The following ZMAT4 variants were observed in gnomAD, a reference collection of about 807,000 sequenced individuals.
The protein encoded by ZMAT4 is zinc finger matrin-type 4, also known as zinc finger matrin-type protein 4.
Under a neutral mutation model 28.7 loss-of-function variants are expected in ZMAT4, and 17 were observed. The observed-to-expected ratio is 0.59, with a 90% CI of 0.41 to 0.89. ZMAT4 has a LOEUF of 0.89. ZMAT4 is among the 40% of genes least tolerant of loss of function. The pLI, the probability that ZMAT4 is intolerant of heterozygous loss-of-function variation, is 0.00. For synonymous variants in ZMAT4, 117 were observed against 109.2 expected (o/e 1.07, Z -0.44); for missense variants, 240 against 283.8 (o/e 0.85, Z 1.11).
At chr8:40,814,875 C>T (rs1359166930) in intron 2 of ZMAT4, among the ~76,000 whole-genome samples, 1 of 152,192 alleles carries the variant, frequency 6.6e-6, no homozygotes, top group Non-Finnish European at 1.5e-5. Context: ...CAAATATTCA[C>T]ATATTTATAC....
At chr8:40,788,411 T>C (rs1389611431) in intron 2 of ZMAT4, among the ~76,000 whole-genome samples, 2 of 152,162 alleles carry the variant, frequency 1.3e-5, no homozygotes, top group Non-Finnish European at 2.9e-5. Context: ...GGCGAAACCC[T>C]GTCTCTACTA....
intron 5 of ZMAT4, among the ~76,000 whole-genome samples, chr8:40,648,328 T>C (rs1453524723): frequency 7.3e-5 from 11 of 149,866 alleles, no homozygotes; most frequent in South Asian, 2.1e-4. Context: ...GTATCAGCAA[T>C]GGAAGATGAA....
At position 40,831,877 on chromosome 8, in the gene ZMAT4, T is replaced by C. The variant is rs558786038; in HGVS notation, c.-4-6197A>G. On this transcript the variant is annotated intron_variant, in intron 1 of 6. Coordinates refer to ENST00000297737, the MANE Select transcript of ZMAT4 (RefSeq NM_024645.3). ...GACCCAGAAGGAATAAAGATTTCACTGAAGTACTTCCCCTGAGCCAGGCCT... is the reference window on the plus strand; with the variant it reads ...GACCCAGAAGGAATAAAGATTTCACCGAAGTACTTCCCCTGAGCCAGGCCT... Among the ~76,000 whole-genome samples the C allele has an allele frequency of 2.6e-5, 4 of 152,326 alleles. No homozygotes were observed. The South Asian group carries it at 8.3e-4, about 32-fold the overall frequency.
chr8:40,764,451 A>T (rs551633140), intron 3 of ZMAT4, among the ~76,000 whole-genome samples: 1 of 152,352 alleles, frequency 6.6e-6, no homozygotes, highest in East Asian at 1.9e-4. Flanking sequence ...TAGGCCCTTC[A>T]CTGCGTTTGT....
intron 1 of ZMAT4, among the ~76,000 whole-genome samples, chr8:40,865,752 A>G (rs1817657652): frequency 6.6e-6 from 1 of 152,236 alleles, no homozygotes; most frequent in Non-Finnish European, 1.5e-5. Context: ...CCGGACTTTT[A>G]GACTCCGTCT....
At chr8:40,655,664 G>C (rs1054787125) in intron 5 of ZMAT4, among the ~76,000 whole-genome samples, 3 of 151,966 alleles carry the variant, frequency 2.0e-5, no homozygotes, top group Admixed American at 2.0e-4. Flanking sequence ...TACATTTATG[G>C]TCCATTGAGT....
At chr8:40,547,119 A>G (rs943330634) in intron 6 of ZMAT4, among the ~76,000 whole-genome samples, 2 of 152,168 alleles carry the variant, frequency 1.3e-5, no homozygotes, top group Non-Finnish European at 2.9e-5. Flanking sequence ...CCAATTAGAC[A>G]TCTGTGCATG....
At chr8:40,555,822 C>G (rs1803515048) in intron 6 of ZMAT4, among the ~76,000 whole-genome samples, 1 of 152,102 alleles carries the variant, frequency 6.6e-6, no homozygotes, top group Non-Finnish European at 1.5e-5. Flanking sequence ...GTGGGTCCCT[C>G]CTCCTACTCA....
intron 5 of ZMAT4, among the ~76,000 whole-genome samples, chr8:40,668,344 C>G (rs1324788332): frequency 2.0e-5 from 3 of 151,728 alleles, no homozygotes; most frequent in African/African-American, 7.3e-5. Flanking sequence ...GTGGCACGCA[C>G]CTGTAGTCCC....
chr8:40,856,437 A>G (rs147650761), intron 1 of ZMAT4, among the ~76,000 whole-genome samples: 1 of 152,302 alleles, frequency 6.6e-6, no homozygotes, highest in East Asian at 1.9e-4. Flanking sequence ...TTTGCACAGG[A>G]TGGTCTGTGT....
At chr8:40,719,396 C>A (rs978458985) in intron 3 of ZMAT4, among the ~76,000 whole-genome samples, 2 of 151,656 alleles carry the variant, frequency 1.3e-5, no homozygotes, top group East Asian at 3.9e-4. Context: ...GAGCTGAGAT[C>A]GTGCCATCCA....
intron 1 of ZMAT4, among the ~76,000 whole-genome samples, chr8:40,892,345 A>T (rs1232035852): frequency 6.6e-6 from 1 of 152,094 alleles, no homozygotes; most frequent in African/African-American, 2.4e-5. Flanking sequence ...TCTAGAACAC[A>T]TTCCCGCCAC....
At position 40,565,230 on chromosome 8, in the gene ZMAT4, T is replaced by C. The variant is rs114112065; in HGVS notation, c.674+15935A>G. Among the ~76,000 whole-genome samples the C allele has an allele frequency of 6.7e-3, 1,026 of 152,260 alleles. 14 individuals are homozygous for C. The highest frequency in any genetic ancestry group is 0.023 in the African/African-American group (957 of 41,556). On this transcript the variant is annotated intron_variant, in intron 6 of 6. Coordinates refer to ENST00000297737, the MANE Select transcript of ZMAT4 (RefSeq NM_024645.3). Reference sequence around the variant, plus strand: ...GTGTTACAAAATTCAAATCCTCATATATAAGTGATGAGGGCTTTTCAGAGA... The same window carrying C: ...GTGTTACAAAATTCAAATCCTCATACATAAGTGATGAGGGCTTTTCAGAGA...
At chr8:40,571,210 C>A (rs1243298521) in intron 6 of ZMAT4, among the ~76,000 whole-genome samples, 2 of 152,092 alleles carry the variant, frequency 1.3e-5, no homozygotes, top group Non-Finnish European at 2.9e-5. Context: ...CCATTTAGTT[C>A]TTTTCAAGTC....
chr8:40,620,860 A>G (rs1806173443), intron 5 of ZMAT4, among the ~76,000 whole-genome samples: 1 of 152,198 alleles, frequency 6.6e-6, no homozygotes, highest in Non-Finnish European at 1.5e-5. Flanking sequence ...GTTGTGGCTC[A>G]AGCTCCTTTC....
At chr8:40,792,377 T>G (rs1450335708) in intron 2 of ZMAT4, among the ~76,000 whole-genome samples, 1 of 149,448 alleles carries the variant, frequency 6.7e-6, no homozygotes, top group Admixed American at 6.7e-5. Context: ...AATACTAATA[T>G]AATGATAAGA....
At chr8:40,802,180 C>A (rs556063821) in intron 2 of ZMAT4, among the ~76,000 whole-genome samples, 11 of 152,204 alleles carry the variant, frequency 7.2e-5, no homozygotes, top group Non-Finnish European at 1.5e-4. Context: ...ACAAGAATGT[C>A]TCCTCTCACC....
intron 1 of ZMAT4, among the ~76,000 whole-genome samples, chr8:40,879,032 C>T (rs2150661295): frequency 6.6e-6 from 1 of 152,330 alleles, no homozygotes; most frequent in South Asian, 2.1e-4. Context: ...TTCCTGGAAG[C>T]TAATGAAGTT....
chr8:40,756,323 T>G (rs1404796114), intron 3 of ZMAT4, among the ~76,000 whole-genome samples: 1 of 151,060 alleles, frequency 6.6e-6, no homozygotes, highest in African/African-American at 2.4e-5. Context: ...CCCCGGGCAG[T>G]GTAGACGAAT....
Sources: gnomAD v4.1 joint callset for allele counts (sites outside exome capture counted in the v4.1 genomes callset) on GRCh38, gnomAD v4.1.1 for gene constraint, MANE v1.5 for transcripts, NCBI Gene and HGNC (gene_info 2026-07-23, HGNC 2026-07-21) for gene names.